SLC10A7: variants seen among roughly 807,000 people sequenced by gnomAD.
SLC10A7 encodes the protein sodium/bile acid cotransporter 7.
In SLC10A7, 29 loss-of-function variants were observed where a neutral mutation model predicts 43.2. The ratio of observed to expected loss-of-function variants is 0.67; its 90% confidence interval spans 0.50 to 0.92. The LOEUF is 0.92. SLC10A7 is among the 40% of genes least tolerant of loss of function. The pLI is 0.00. For synonymous variants in SLC10A7, 152 were observed against 144.8 expected, an observed-to-expected ratio of 1.05 and a Z score of -0.35; for missense variants, 295 against 403.2, an observed-to-expected ratio of 0.73 and a Z score of 2.30.
intron 4 of SLC10A7, among the ~76,000 whole-genome samples, chr4:146,447,173 TATAA>T (rs1731165179): frequency 6.6e-6 from 1 of 152,204 alleles, no homozygotes; most frequent in Admixed American, 6.5e-5. Flanking sequence ...ATATGTTTAA[TATAA>T]ATAATGTTTT....
At chr4:146,494,385 C>T (rs1303725096) in intron 4 of SLC10A7, among the ~76,000 whole-genome samples, 2 of 152,214 alleles carry the variant, frequency 1.3e-5, no homozygotes, top group African/African-American at 4.8e-5. Context: ...TACGTAAATA[C>T]TTCTCGCCCA....
At chr4:146,291,617 A>C (rs1730448436) in intron 9 of SLC10A7, among the ~76,000 whole-genome samples, 1 of 149,124 alleles carries the variant, frequency 6.7e-6, no homozygotes, top group Admixed American at 6.7e-5. Flanking sequence ...ATCTTCCTCT[A>C]CTCCTTTTGT....
At chr4:146,415,415 A>G (rs1728495045) in intron 5 of SLC10A7, among the ~76,000 whole-genome samples, 1 of 152,214 alleles carries the variant, frequency 6.6e-6, no homozygotes, top group South Asian at 2.1e-4. Context: ...ATTTACTACC[A>G]TTTTACATGC....
intron 4 of SLC10A7, among the ~76,000 whole-genome samples, chr4:146,471,513 G>A (rs1733570807): frequency 6.6e-6 from 1 of 152,106 alleles, no homozygotes; most frequent in Non-Finnish European, 1.5e-5. Context: ...TGTAGCTAAA[G>A]TCACTCCTAT....
chr4:146,267,360 T>C (rs757144797), intron 10 of SLC10A7, among the ~76,000 whole-genome samples: 1 of 152,162 alleles, frequency 6.6e-6, no homozygotes, highest in African/African-American at 2.4e-5. Flanking sequence ...ATTCTGTTCA[T>C]AATCTGACTA....
chr4:146,464,960 T>C (rs1732879793), intron 4 of SLC10A7, among the ~76,000 whole-genome samples: 1 of 152,138 alleles, frequency 6.6e-6, no homozygotes, highest in African/African-American at 2.4e-5. Flanking sequence ...GTTCCAGATG[T>C]AAAGCTCAGA....
chr4:146,486,961 G>A (rs1207004952), intron 4 of SLC10A7, among the ~76,000 whole-genome samples: 1 of 152,170 alleles, frequency 6.6e-6, no homozygotes, highest in Non-Finnish European at 1.5e-5. Flanking sequence ...TCACCATAAG[G>A]AAGCAACCTT....
chr4:146,383,301 C>A (rs765343050), intron 5 of SLC10A7, among the ~76,000 whole-genome samples: 2 of 152,118 alleles, frequency 1.3e-5, no homozygotes, highest in Non-Finnish European at 2.9e-5. Flanking sequence ...GGTCTAGGAG[C>A]AGGGAACCTA....
At chr4:146,379,881 AG>A (rs796641233) in intron 5 of SLC10A7, among the ~76,000 whole-genome samples, 39 of 152,114 alleles carry the variant, frequency 2.6e-4, no homozygotes, top group African/African-American at 8.7e-4. Context: ...CAAACTATGC[AG>A]TTCAGAGTTC....
At chr4:146,283,455 C>CT (rs1386263454) in intron 9 of SLC10A7, among the ~76,000 whole-genome samples, 190 bp from the exon 10 acceptor site, 8 of 151,966 alleles carry the variant, frequency 5.3e-5, no homozygotes, top group Non-Finnish European at 7.4e-5. Flanking sequence ...GTCATTTATC[C>CT]ATGAAAAGGA....
intron 5 of SLC10A7, among the ~76,000 whole-genome samples, chr4:146,386,283 G>A (rs1435418894): frequency 6.6e-6 from 1 of 152,130 alleles, no homozygotes; most frequent in Non-Finnish European, 1.5e-5. Context: ...TTCAACTGGT[G>A]TGAGTTGGTA....
chr4:146,339,447 A>G (rs1472957112), intron 5 of SLC10A7, among the ~76,000 whole-genome samples: 2 of 151,944 alleles, frequency 1.3e-5, no homozygotes, highest in African/African-American at 4.8e-5. Flanking sequence ...CCTTAGCCAG[A>G]GCCATTCCTG....
intron 5 of SLC10A7, among the ~76,000 whole-genome samples, chr4:146,373,728 T>C (rs1736959087): frequency 6.6e-6 from 1 of 152,156 alleles, no homozygotes; most frequent in African/African-American, 2.4e-5. Context: ...TATCCAAACT[T>C]TCATCCACCA....
intron 4 of SLC10A7, among the ~76,000 whole-genome samples, chr4:146,459,501 A>C (rs1161763448): frequency 6.6e-6 from 1 of 151,766 alleles, no homozygotes; most frequent in African/African-American, 2.4e-5. Context: ...GAGAAGAGAA[A>C]GTTCAGAAAC....
At chr4:146,258,974 A>AAAGTCTGAAATGGGT in intron 10 of SLC10A7, 137 bp from the exon 11 acceptor site, 1 of 987,452 alleles carries the variant, frequency 1.0e-6, no homozygotes. Context: ...CTGAAATGGG[A>AAAGTCTGAAATGGGT]AAGTCTGAAA....
At chr4:146,430,856 T>C (rs1395382014) in intron 5 of SLC10A7, among the ~76,000 whole-genome samples, 2 of 152,066 alleles carry the variant, frequency 1.3e-5, no homozygotes, top group Admixed American at 1.3e-4. Flanking sequence ...TTAGTAGAAT[T>C]TTTTTCCCCT....
intron 5 of SLC10A7, among the ~76,000 whole-genome samples, chr4:146,428,248 T>C (rs567479292): frequency 6.6e-6 from 1 of 152,180 alleles, no homozygotes; most frequent in Non-Finnish European, 1.5e-5. Context: ...TAACTATCCT[T>C]CCTTTACTTT....
At chr4:146,374,079 G>C (rs2149782540) in intron 5 of SLC10A7, among the ~76,000 whole-genome samples, 1 of 152,324 alleles carries the variant, frequency 6.6e-6, no homozygotes, top group Middle Eastern at 3.4e-3. Context: ...ATTGGCCTCA[G>C]ATTGGAAGAG....
chr4:146,401,806 T>C (rs939058687), intron 5 of SLC10A7, among the ~76,000 whole-genome samples: 1 of 152,198 alleles, frequency 6.6e-6, no homozygotes, highest in Admixed American at 6.5e-5. Context: ...AGTCAAATAA[T>C]ATAGAAGTGT....
Sources: gnomAD v4.1 joint callset for allele counts (sites outside exome capture counted in the v4.1 genomes callset) on GRCh38, gnomAD v4.1.1 for gene constraint, MANE v1.5 for transcripts, NCBI Gene and HGNC (gene_info 2026-07-23, HGNC 2026-07-21) for gene names.